The following NEGR1 variants were observed in gnomAD, a reference collection of about 807,000 sequenced individuals.
The protein encoded by NEGR1 is IgLON family member 4.
NEGR1 carries 10 observed loss-of-function variants against 40.9 expected under a neutral mutation model. That is an observed-to-expected ratio of 0.24 (90% CI 0.15 to 0.42). The LOEUF (loss-of-function observed/expected upper bound fraction) is 0.42. Ranked by LOEUF, NEGR1 falls within the 10% of genes least tolerant of loss-of-function variation. NEGR1 has a pLI of 1.00. For missense variants in NEGR1, 352 were observed against 438.9 expected, an observed-to-expected ratio of 0.80 and a Z score of 1.77; for synonymous variants, 185 against 166.8, an observed-to-expected ratio of 1.11 and a Z score of -0.84.
intron 1 of NEGR1, among the ~76,000 whole-genome samples, chr1:72,165,284 A>G (rs1184692086): frequency 6.6e-6 from 1 of 152,102 alleles, no homozygotes; most frequent in East Asian, 1.9e-4. Context: ...TTTGATATAC[A>G]GAAGATACAC....
At chr1:71,978,441 C>T (rs1484616392) in intron 1 of NEGR1, among the ~76,000 whole-genome samples, 1 of 152,068 alleles carries the variant, frequency 6.6e-6, no homozygotes, top group Non-Finnish European at 1.5e-5. Flanking sequence ...CTTTGTGACA[C>T]ACTAGAAAGA....
intron 2 of NEGR1, among the ~76,000 whole-genome samples, chr1:71,866,927 A>C (rs1016372364): frequency 6.6e-6 from 1 of 152,236 alleles, no homozygotes; most frequent in Non-Finnish European, 1.5e-5. Flanking sequence ...AAAAGTGGGA[A>C]TGTCCCTACT....
intron 2 of NEGR1, among the ~76,000 whole-genome samples, chr1:71,844,873 G>T (rs553138821): frequency 1.2e-4 from 19 of 152,250 alleles, no homozygotes; most frequent in South Asian, 4.1e-4. Context: ...CATCCTGGTG[G>T]ACATCCTTGA....
intron 1 of NEGR1, among the ~76,000 whole-genome samples, chr1:72,002,243 G>C (rs914848039): frequency 2.6e-5 from 4 of 151,834 alleles, no homozygotes; most frequent in Non-Finnish European, 4.4e-5. Flanking sequence ...TGAGAATCTG[G>C]TAATAAAGTT....
At chr1:72,033,431 C>T (rs1427737331) in intron 1 of NEGR1, among the ~76,000 whole-genome samples, 3 of 152,128 alleles carry the variant, frequency 2.0e-5, no homozygotes, top group Non-Finnish European at 4.4e-5. Context: ...AAAGCACTGT[C>T]AAAAAGGAGG....
At chr1:71,942,047 A>G (rs1196106419) in intron 1 of NEGR1, among the ~76,000 whole-genome samples, 4 of 151,894 alleles carry the variant, frequency 2.6e-5, no homozygotes, top group Admixed American at 6.6e-5. Context: ...AATGGGAGTT[A>G]TGCCAAGTTG....
At chr1:71,796,507 C>T (rs1657332315) in intron 2 of NEGR1, among the ~76,000 whole-genome samples, 1 of 152,100 alleles carries the variant, frequency 6.6e-6, no homozygotes, top group Non-Finnish European at 1.5e-5. Context: ...TCAAAAGCTA[C>T]AAGAAAGGCT....
At chr1:71,494,769 TC>T (rs1221611401) in intron 6 of NEGR1, among the ~76,000 whole-genome samples, 1 of 152,094 alleles carries the variant, frequency 6.6e-6, no homozygotes, top group African/African-American at 2.4e-5. Context: ...TCCTGAAGCA[TC>T]CTCTAAGTAC....
At chr1:71,938,495 C>T (rs1294131393) in intron 1 of NEGR1, among the ~76,000 whole-genome samples, 1 of 139,292 alleles carries the variant, frequency 7.2e-6, no homozygotes, top group African/African-American at 2.7e-5. Context: ...CCTTTTCATT[C>T]TCCATCTACA....
chr1:71,821,266 T>C (rs1313808419), intron 2 of NEGR1, among the ~76,000 whole-genome samples: 2 of 151,992 alleles, frequency 1.3e-5, no homozygotes, highest in South Asian at 4.1e-4. Context: ...TCATGCCAGA[T>C]GAGCAAGAGG....
At chr1:71,819,362 A>G (rs1314308640) in intron 2 of NEGR1, among the ~76,000 whole-genome samples, 1 of 151,916 alleles carries the variant, frequency 6.6e-6, no homozygotes, top group African/African-American at 2.4e-5. Context: ...TAGTAACATA[A>G]AAATAAATGC....
At chr1:71,632,527 T>C (rs1010447936) in intron 4 of NEGR1, among the ~76,000 whole-genome samples, 2 of 150,848 alleles carry the variant, frequency 1.3e-5, no homozygotes, top group African/African-American at 4.8e-5. Context: ...AATGATTGCA[T>C]AAACTATTAT....
chr1:71,988,407 C>T (rs1196409537), intron 1 of NEGR1, among the ~76,000 whole-genome samples: 2 of 151,490 alleles, frequency 1.3e-5, no homozygotes, highest in African/African-American at 2.4e-5. Context: ...GGCGCGGTGG[C>T]GGGCGCCTGT....
intron 2 of NEGR1, among the ~76,000 whole-genome samples, chr1:71,917,761 C>G (rs866722874): frequency 2.3e-5 from 3 of 132,986 alleles, no homozygotes; most frequent in South Asian, 2.4e-4. Flanking sequence ...GCCTGGGCGA[C>G]AGAGCGAGAC....
At chr1:71,704,741 A>C (rs1653827874) in intron 3 of NEGR1, among the ~76,000 whole-genome samples, 1 of 151,976 alleles carries the variant, frequency 6.6e-6, no homozygotes, top group East Asian at 1.9e-4. Context: ...ATTCTTTCTG[A>C]AAATGGAGTG....
At chr1:71,935,334 C>T in intron 1 of NEGR1, 23 bp from the exon 2 acceptor site, 1 of 1,438,948 alleles carries the variant, frequency 6.9e-7, no homozygotes, top group Non-Finnish European at 9.8e-7. Context: ...AGAGATACAA[C>T]ACTATTAATC....
chr1:72,270,027 A>G (rs1422104861), intron 1 of NEGR1, among the ~76,000 whole-genome samples: 1 of 151,794 alleles, frequency 6.6e-6, no homozygotes, highest in Non-Finnish European at 1.5e-5. Flanking sequence ...AATTGTTTTG[A>G]TCTCTTTTAG....
chr1:71,787,228 T>C (rs531231713), intron 2 of NEGR1, among the ~76,000 whole-genome samples: 1 of 152,364 alleles, frequency 6.6e-6, no homozygotes, highest in Non-Finnish European at 1.5e-5. Context: ...ACTTATCTTA[T>C]GTGACTTCAC....
intron 1 of NEGR1, among the ~76,000 whole-genome samples, chr1:71,941,538 A>T (rs559790914): frequency 2.3e-4 from 35 of 152,190 alleles, no homozygotes; most frequent in Admixed American, 2.3e-3. Context: ...TTATCTTTCT[A>T]TTTTTGCAGG....
Sources: allele counts gnomAD v4.1 joint callset (sites outside exome capture counted in the v4.1 genomes callset), GRCh38; gene constraint gnomAD v4.1.1; transcripts MANE v1.5; gene names NCBI Gene and HGNC (gene_info 2026-07-23, HGNC 2026-07-21).